Variants in GPM6A observed in about 807,000 individuals in gnomAD.
The protein encoded by GPM6A is neuronal membrane glycoprotein M6-a.
In GPM6A, 7 loss-of-function variants were observed where a neutral mutation model predicts 32.1. That is an observed-to-expected ratio of 0.22 (90% CI 0.12 to 0.41). The LOEUF is 0.41. Among genes scored for constraint, GPM6A ranks in the 10% least tolerant of loss-of-function variants. GPM6A has a pLI of 1.00. For synonymous variants in GPM6A, 130 were observed against 123.4 expected (o/e 1.05, Z -0.35); for missense variants, 235 against 347.2 (o/e 0.68, Z 2.57).
At chr4:175,817,809 A>G (rs1397693903) in intron 1 of GPM6A, among the ~76,000 whole-genome samples, 1 of 152,210 alleles carries the variant, frequency 6.6e-6, no homozygotes, top group Non-Finnish European at 1.5e-5. Context: ...TTTATTAGAC[A>G]TTGTACCCCC....
At chr4:175,760,212 T>C (rs184970002) in intron 1 of GPM6A, among the ~76,000 whole-genome samples, 14 of 151,978 alleles carry the variant, frequency 9.2e-5, no homozygotes, top group Admixed American at 2.6e-4. Flanking sequence ...ATAAAATAAA[T>C]CTAAATAAAT....
chr4:175,848,775 C>A (rs146447544), intron 1 of GPM6A, among the ~76,000 whole-genome samples: 2,943 of 152,176 alleles, frequency 0.019, 87 homozygotes, highest in South Asian at 0.095. Context: ...ATAATAAATA[C>A]TGTTATTTTT....
At chr4:175,894,845 C>T (rs532049921) in intron 1 of GPM6A, among the ~76,000 whole-genome samples, 2 of 152,158 alleles carry the variant, frequency 1.3e-5, no homozygotes, top group East Asian at 1.9e-4. Context: ...TAAGGGTCTT[C>T]GAAGTTCAAA....
chr4:175,722,946 A>G (rs1579427757), intron 1 of GPM6A, among the ~76,000 whole-genome samples: 2 of 152,002 alleles, frequency 1.3e-5, no homozygotes, highest in East Asian at 3.9e-4. Flanking sequence ...CAGCTCAGAA[A>G]GCTCAAGTGG....
chr4:175,754,644 A>T (rs1212638682), intron 1 of GPM6A, among the ~76,000 whole-genome samples: 1 of 152,198 alleles, frequency 6.6e-6, no homozygotes, highest in Non-Finnish European at 1.5e-5. Context: ...TAAGCACAAT[A>T]ACACTCAAAG....
At chr4:175,648,140 A>G (rs1741580472) in intron 4 of GPM6A, among the ~76,000 whole-genome samples, 1 of 152,032 alleles carries the variant, frequency 6.6e-6, no homozygotes, top group South Asian at 2.1e-4. Context: ...AGACAATCAG[A>G]GGTATGAACT....
chr4:175,651,564 C>T (rs1307980732), intron 4 of GPM6A, among the ~76,000 whole-genome samples: 2 of 152,120 alleles, frequency 1.3e-5, no homozygotes, highest in African/African-American at 2.4e-5. Context: ...AAGGAAACCA[C>T]ACTTCTAACC....
intron 3 of GPM6A, among the ~76,000 whole-genome samples, chr4:175,658,832 T>C (rs1372712674): frequency 6.6e-6 from 1 of 152,332 alleles, no homozygotes; most frequent in Non-Finnish European, 1.5e-5. Flanking sequence ...GTGTTCACTG[T>C]GTGGTTTGGT....
chr4:175,847,525 G>T (rs1736128115), intron 1 of GPM6A, among the ~76,000 whole-genome samples: 1 of 151,988 alleles, frequency 6.6e-6, no homozygotes, highest in Non-Finnish European at 1.5e-5. Context: ...TAGCCTTCCT[G>T]GTTATCAGAT....
intron 1 of GPM6A, chr4:175,786,994 A>G: frequency 4.7e-6 from 1 of 212,960 alleles, no homozygotes; most frequent in Non-Finnish European, 9.3e-6. Context: ...GCTGGACGGC[A>G]TTCCCTCCCC....
At chr4:175,644,797 G>C (rs113138022) in intron 4 of GPM6A, among the ~76,000 whole-genome samples, 1 of 152,232 alleles carries the variant, frequency 6.6e-6, no homozygotes, top group African/African-American at 2.4e-5. Context: ...AAAGCAATTA[G>C]GAGAAAAGGC....
intron 1 of GPM6A, among the ~76,000 whole-genome samples, chr4:175,930,432 G>GA (rs200612825): frequency 1.0e-5 from 1 of 98,138 alleles, no homozygotes; most frequent in Non-Finnish European, 2.6e-5. Flanking sequence ...TTTTGGGGGG[G>GA]GGTTTTTTTG....
intron 4 of GPM6A, among the ~76,000 whole-genome samples, chr4:175,650,254 C>G (rs933012877): frequency 3.3e-5 from 5 of 151,294 alleles, no homozygotes; most frequent in Admixed American, 2.6e-4. Flanking sequence ...TTATTTGGCA[C>G]TCTTTGATTT....
At chr4:175,817,789 T>C (rs894259588) in intron 1 of GPM6A, among the ~76,000 whole-genome samples, 2 of 152,212 alleles carry the variant, frequency 1.3e-5, no homozygotes. Context: ...GCAGAAACTC[T>C]CTTTTACTAT....
intron 1 of GPM6A, among the ~76,000 whole-genome samples, chr4:175,766,647 C>T (rs1389680857): frequency 6.7e-6 from 1 of 148,778 alleles, no homozygotes; most frequent in Non-Finnish European, 1.5e-5. Context: ...AGTGCCTCCA[C>T]TTACTCTTTT....
At chr4:175,673,509 A>C (rs1743195050) in intron 3 of GPM6A, among the ~76,000 whole-genome samples, 171 bp downstream of exon 3, 1 of 152,192 alleles carries the variant, frequency 6.6e-6, no homozygotes, top group Non-Finnish European at 1.5e-5. Context: ...AATTTTCACA[A>C]GGAATAATCT....
At chr4:175,789,554 G>A (rs1447168152) in intron 1 of GPM6A, among the ~76,000 whole-genome samples, 1 of 152,190 alleles carries the variant, frequency 6.6e-6, no homozygotes, top group Non-Finnish European at 1.5e-5. Flanking sequence ...TGTCTTCTGA[G>A]GTATGAGAAA....
chr4:175,849,582 C>T (rs188412874), intron 1 of GPM6A, among the ~76,000 whole-genome samples: 193 of 152,190 alleles, frequency 1.3e-3, no homozygotes, highest in Non-Finnish European at 1.4e-3. Flanking sequence ...AACATGGAAA[C>T]GGTTTCATTG....
At chr4:175,914,046 C>G (rs1010907850) in intron 1 of GPM6A, among the ~76,000 whole-genome samples, 2 of 151,826 alleles carry the variant, frequency 1.3e-5, no homozygotes, top group Admixed American at 6.6e-5. Flanking sequence ...CACAGAGACA[C>G]AAGTCACCAT....
Sources: allele counts gnomAD v4.1 joint callset (sites outside exome capture counted in the v4.1 genomes callset), GRCh38; gene constraint gnomAD v4.1.1; transcripts MANE v1.5; gene names NCBI Gene and HGNC (gene_info 2026-07-23, HGNC 2026-07-21).